The following RFTN2 variants were observed in gnomAD, a reference collection of about 807,000 sequenced individuals.
RFTN2 encodes the protein raftlin-2.
In RFTN2, 34 loss-of-function variants were observed where a neutral mutation model predicts 52.7. That is an observed-to-expected ratio of 0.64 (90% CI 0.49 to 0.86). The LOEUF (loss-of-function observed/expected upper bound fraction) is 0.86, where lower values mean the gene tolerates loss of function less well. RFTN2 is among the 40% of genes least tolerant of loss of function. The pLI, the probability that RFTN2 is intolerant of heterozygous loss-of-function variation, is 0.00. For synonymous variants in RFTN2, 203 were observed against 217.7 expected (o/e 0.93, Z 0.59); for missense variants, 536 against 600.1 (o/e 0.89, Z 1.12).
chr2:197,658,449 A>G lies in RFTN2; in HGVS notation c.140-11783T>C, dbSNP rs535640365. 7.5e-3 allele frequency among the ~76,000 whole-genome samples: 673 copies of G among 89,784 alleles called. 5 individuals are homozygous for G. The highest frequency in any genetic ancestry group is 0.029 in the African/African-American group (645 of 21,932). 58.9% of individuals were successfully genotyped at this position (89,784 alleles called of 152,430 possible). On this transcript the variant is annotated intron_variant, in intron 1 of 8. Transcript: ENST00000295049. Reference sequence around the variant, plus strand: ...TGACACCATGCTAATATTTTGTATTATTGTTTTTTTTTTTTTTGGCAGAGG... The same window carrying G: ...TGACACCATGCTAATATTTTGTATTGTTGTTTTTTTTTTTTTTGGCAGAGG...
At position 197,633,659 on chromosome 2, in the gene RFTN2, CA is replaced by C. The variant is rs1036980622; in HGVS notation, c.718+58del. On this transcript the variant is annotated intron_variant, in intron 4 of 8. Coordinates refer to ENST00000295049, the MANE Select transcript of RFTN2 (RefSeq NM_144629.3). ...TGACTCATATTTCTAAAAAAAACCT[CA>C]AAAACTTATTTTGCTTAAACTATAG... 6 of 1,438,242 alleles carry C rather than the reference CA, an allele frequency of 4.2e-6. No homozygotes were observed. In the African/African-American group the frequency reaches 8.6e-5, roughly 20 times the overall value. The allele number at this position is 1,438,242 out of a possible 1,614,324, so 89.1% of individuals were successfully genotyped here.
At chr2:197,623,616 C>A (rs1173697302) in intron 5 of RFTN2, among the ~76,000 whole-genome samples, 1 of 151,702 alleles carries the variant, frequency 6.6e-6, no homozygotes. Flanking sequence ...GTAGCTGGGA[C>A]CGCAGGCGTG....
chr2:197,614,694 G>T (rs1029881593), intron 7 of RFTN2, among the ~76,000 whole-genome samples: 3 of 152,218 alleles, frequency 2.0e-5, no homozygotes, highest in African/African-American at 4.8e-5. Flanking sequence ...TCCTGTAAGT[G>T]GTTTGAGCAT....
At chr2:197,630,883 G>C (rs1434099304) in intron 5 of RFTN2, 128 bp downstream of exon 5, 1 of 687,212 alleles carries the variant, frequency 1.5e-6, no homozygotes. Flanking sequence ...TGTAACAGCT[G>C]GAATTTATTT....
At position 197,633,859 on chromosome 2, in the gene RFTN2, T is replaced by A. The variant is rs565208346; in HGVS notation, c.577A>T (p.Asn193Tyr). 18 of 1,613,980 alleles carry A rather than the reference T, an allele frequency of 1.1e-5. No homozygotes were observed. In the East Asian group the frequency reaches 3.8e-4, roughly 34 times the overall value. The change falls in exon 4 of 9, where the codon AAC (asparagine) becomes TAC (tyrosine). Residue 193 changes from asparagine to tyrosine, a missense_variant. By Grantham distance (143) the Asn-to-Tyr change is moderately radical. Coordinates refer to ENST00000295049, the MANE Select transcript of RFTN2 (RefSeq NM_144629.3). ...MLHVRHGSDE[N>Y]CRSWNEGTLS... is the part of the protein sequence containing the mutation. ...GTCCCTTCATTCCAACTTCTACAGTTTTCATCTGAACCGTGTCTCACATGT... is the reference window on the plus strand; with the variant it reads ...GTCCCTTCATTCCAACTTCTACAGTATTCATCTGAACCGTGTCTCACATGT...
chr2:197,668,839 CT>C lies in RFTN2; in HGVS notation c.139+6480del, dbSNP rs1396081172. 3.9e-5 allele frequency among the ~76,000 whole-genome samples: 6 copies of C among 152,284 alleles called. No individual in the cohort carries two copies. The East Asian group carries it at 1.2e-3, about 29-fold the overall frequency. ...TGGCACAATCTCTTGGCAGCTCCCT[CT>C]GTTAGTTTCAGGGCCCTCAAGGATT... is the stretch of plus-strand genomic sequence containing the variant. On this transcript the variant is annotated intron_variant, in intron 1 of 8. Coordinates refer to ENST00000295049, the MANE Select transcript of RFTN2 (RefSeq NM_144629.3).
intron 7 of RFTN2, among the ~76,000 whole-genome samples, chr2:197,608,186 T>C (rs1447404124): frequency 6.6e-6 from 1 of 152,198 alleles, no homozygotes; most frequent in Non-Finnish European, 1.5e-5. Context: ...TGAGCTGTGA[T>C]GCCCATGAGG....
intron 5 of RFTN2, among the ~76,000 whole-genome samples, chr2:197,618,693 C>G (rs1392872209): frequency 6.6e-6 from 1 of 151,690 alleles, no homozygotes; most frequent in South Asian, 2.1e-4. Flanking sequence ...GCGTCTCTGC[C>G]CGGCCGCCCA....
intron 7 of RFTN2, among the ~76,000 whole-genome samples, chr2:197,613,036 T>G (rs1012909445): frequency 2.0e-5 from 3 of 152,226 alleles, no homozygotes; most frequent in African/African-American, 7.2e-5. Flanking sequence ...GGTGTGAGAA[T>G]ATGTGTAAGA....
At chr2:197,618,734 T>C (rs7575976) in intron 5 of RFTN2, among the ~76,000 whole-genome samples, 289 of 144,566 alleles carry the variant, frequency 2.0e-3, no homozygotes, top group Middle Eastern at 4.0e-3. Context: ...ACCTCTGCCC[T>C]GCCGCCCCGT....
rs1211920542 is a variant in RFTN2 at position 197,635,242 on chromosome 2, G to A, written c.439-1245C>T. 4.6e-5 allele frequency among the ~76,000 whole-genome samples: 7 copies of A among 152,060 alleles called. No homozygotes were observed. The East Asian group carries it at 1.3e-3, about 29-fold the overall frequency. On this transcript the variant is annotated intron_variant, in intron 3 of 8. Coordinates refer to ENST00000295049, the MANE Select transcript of RFTN2 (RefSeq NM_144629.3). ...AGCAGCATGATTTATAGTCCTTTGG[G>A]TATATACCCAGTAATGGGATGGCTG...
intron 3 of RFTN2, among the ~76,000 whole-genome samples, chr2:197,639,390 A>T (rs2088621603): frequency 6.6e-6 from 1 of 151,934 alleles, no homozygotes; most frequent in African/African-American, 2.4e-5. Flanking sequence ...CCAGACGTAG[A>T]TTTGGTCTTT....
rs371059746 is a variant in RFTN2, at chr2:197,675,281, T to C, written c.139+39A>G. The stretch of plus-strand genomic sequence containing the variant: ...CTTAAAAATGACTAGTAGTCTCATC[T>C]CTGAAACATTTAACAAACAAAATAG... On this transcript the variant is annotated intron_variant, in intron 1 of 8. Coordinates refer to ENST00000295049, the MANE Select transcript of RFTN2 (RefSeq NM_144629.3). 15 of 1,513,344 alleles carry C rather than the reference T, an allele frequency of 9.9e-6. No homozygotes were observed. In the Middle Eastern group the frequency reaches 5.3e-4, roughly 53 times the overall value. The allele number at this position is 1,513,344 out of a possible 1,614,324, so 93.7% of individuals were successfully genotyped here.
chr2:197,574,740 C>T (rs1033682203), intron 8 of RFTN2, among the ~76,000 whole-genome samples: 32 of 152,168 alleles, frequency 2.1e-4, no homozygotes, highest in African/African-American at 7.5e-4. Flanking sequence ...TGGTGGCACA[C>T]GCCTGTAATC....
In RFTN2 at chr2:197,646,580, C is replaced by A. The variant is rs377549187; in HGVS notation, c.226G>T (p.Val76Phe). 2.5e-6 allele frequency: 4 copies of A among 1,612,848 alleles called. No individual in the cohort carries two copies. The highest frequency in any genetic ancestry group is 3.4e-6 in the Non-Finnish European group (4 of 1,178,980). The change falls in exon 2 of 9, where the codon GTC becomes TTC. Residue 76 changes from valine to phenylalanine, a missense_variant. By Grantham distance (50) the Val-to-Phe change is conservative. Coordinates refer to ENST00000295049, the MANE Select transcript of RFTN2 (RefSeq NM_144629.3). ...VENYYLKGYI[V>F]GAIHPVIQPV... The stretch of plus-strand genomic sequence containing the variant: ...TGTATAACAGGATGAATAGCCCCGA[C>A]AATATATCCTTTAAGATAATAGTTT...
intron 3 of RFTN2, among the ~76,000 whole-genome samples, chr2:197,636,219 C>A (rs1424980681): frequency 6.6e-6 from 1 of 150,966 alleles, no homozygotes; most frequent in Non-Finnish European, 1.5e-5. Context: ...CTTGGCGACG[C>A]GGGCTCTTTT....
intron 5 of RFTN2, among the ~76,000 whole-genome samples, chr2:197,628,113 C>T (rs6728904): frequency 0.43 from 65,240 of 151,652 alleles, 14,423 homozygotes; most frequent in Middle Eastern, 0.54. Flanking sequence ...CAAAACAAAG[C>T]GACCAATTCA....
intron 8 of RFTN2, among the ~76,000 whole-genome samples, chr2:197,594,797 G>C (rs1453611340): frequency 6.6e-6 from 1 of 152,052 alleles, no homozygotes; most frequent in Non-Finnish European, 1.5e-5. Context: ...CCTCTCTACC[G>C]ATTTACCTAC....
chr2:197,611,460 C>T (rs1269054361), intron 7 of RFTN2, among the ~76,000 whole-genome samples: 2 of 151,596 alleles, frequency 1.3e-5, no homozygotes, highest in Non-Finnish European at 2.9e-5. Flanking sequence ...GTAGTGATAT[C>T]CCCTTTATCA....
Sources: allele counts gnomAD v4.1 joint callset (sites outside exome capture counted in the v4.1 genomes callset), GRCh38; gene constraint gnomAD v4.1.1; transcripts MANE v1.5; gene names NCBI Gene and HGNC (gene_info 2026-07-23, HGNC 2026-07-21).